The following SEMA4D variants were observed in gnomAD, a reference collection of about 807,000 sequenced individuals.
The protein encoded by SEMA4D is semaphorin-4D.
A neutral mutation model predicts 74.8 loss-of-function variants in SEMA4D; 22 were observed. The observed-to-expected ratio is 0.29, with a 90% confidence interval of 0.21 to 0.42. The LOEUF is 0.42. Ranked by LOEUF, SEMA4D falls within the 10% of genes least tolerant of loss-of-function variation. The probability of loss-of-function intolerance (pLI) is 1.00; values close to 1 mark genes in which losing one functional copy is unlikely to be tolerated. For missense variants in SEMA4D, 937 were observed against 1,118.4 expected (o/e 0.84, Z 2.31); for synonymous variants, 445 against 463.7 (o/e 0.96, Z 0.52).
intron 2 of SEMA4D, among the ~76,000 whole-genome samples, chr9:89,415,588 G>T (rs763520417): frequency 6.6e-6 from 1 of 152,196 alleles, no homozygotes; most frequent in Non-Finnish European, 1.5e-5. Context: ...GTCCCAGAGA[G>T]CTCCCTCACC....
At chr9:89,433,796 T>C (rs559587073) in intron 2 of SEMA4D, among the ~76,000 whole-genome samples, 10 of 152,244 alleles carry the variant, frequency 6.6e-5, no homozygotes, top group South Asian at 6.2e-4. Flanking sequence ...TAGGTGCAGA[T>C]TGTCCCGGGG....
chr9:89,489,625 T>C (rs1825469823), intron 1 of SEMA4D, among the ~76,000 whole-genome samples: 1 of 152,266 alleles, frequency 6.6e-6, no homozygotes, highest in Non-Finnish European at 1.5e-5. Flanking sequence ...TGTGCCTGGC[T>C]ACCTTCACTT....
rs116463781 is a variant in SEMA4D, at chr9:89,453,779, A to G, written c.-244+2109T>C. 5.3e-3 allele frequency among the ~76,000 whole-genome samples: 810 copies of G among 151,864 alleles called. 6 individuals carry two copies. Among genetic ancestry groups the G allele is most frequent in the African/African-American group, 0.019 (772 of 41,386 alleles). ...CACAAAGGCTGGCAAAGCACCTTATATGGGCCACTTCACGCTGGGAAAAGT... is the reference window on the plus strand; with the variant it reads ...CACAAAGGCTGGCAAAGCACCTTATGTGGGCCACTTCACGCTGGGAAAAGT... On this transcript the variant is annotated intron_variant, in intron 2 of 15. Transcript: ENST00000422704.
chr9:89,364,754 G>C (rs1256523986), intron 16 of SEMA4D: 3 of 152,726 alleles, frequency 2.0e-5, no homozygotes, highest in Non-Finnish European at 4.4e-5. Flanking sequence ...GCTGGCCTCA[G>C]CTTGTCTGAT....
chr9:89,403,299 G>T (rs1842597237), intron 3 of SEMA4D, among the ~76,000 whole-genome samples: 1 of 152,242 alleles, frequency 6.6e-6, no homozygotes, highest in East Asian at 1.9e-4. Flanking sequence ...GCTGTGAGTC[G>T]GACATCCCTT....
At position 89,381,618 on chromosome 9, in the gene SEMA4D, G is replaced by A; in HGVS notation, c.1447-272C>T. 2.8e-6 allele frequency: 1 copy of A among 353,048 alleles called. No homozygotes were observed. The highest frequency in any genetic ancestry group is 5.1e-6 in the Non-Finnish European group (1 of 194,302). The allele number at this position is 353,048 out of a possible 1,614,324, so 21.9% of individuals were successfully genotyped here. A position where few individuals can be genotyped will look rare whatever the true frequency, so the allele number is the denominator to read the frequency against. On this transcript the variant is annotated intron_variant, in intron 13 of 15. Coordinates refer to ENST00000422704, the MANE Select transcript of SEMA4D (RefSeq NM_001371194.2). The surrounding 1 kb of genome is among the most constrained non-coding windows in gnomAD (Gnocchi z 4.6). ...CCACAGGTGCCTGCCCTCCAGCAAA[G>A]CGCTTCTCTGCACGTGTTTCTCTTA...
chr9:89,428,000 C>T (rs1848464315), intron 2 of SEMA4D, among the ~76,000 whole-genome samples: 1 of 152,212 alleles, frequency 6.6e-6, no homozygotes. Flanking sequence ...GGGTGACCAC[C>T]TGTGGAGGGC....
At chr9:89,478,819 C>T (rs1438290641) in intron 1 of SEMA4D, among the ~76,000 whole-genome samples, 3 of 148,770 alleles carry the variant, frequency 2.0e-5, no homozygotes, top group African/African-American at 4.9e-5. Flanking sequence ...GGGCAGCCAC[C>T]GCTTTTGTTC....
chr9:89,428,523 C>A (rs1848575208), intron 2 of SEMA4D, among the ~76,000 whole-genome samples: 1 of 152,226 alleles, frequency 6.6e-6, no homozygotes, highest in Non-Finnish European at 1.5e-5. Flanking sequence ...GAACTCAGAA[C>A]CACGAGGAAC....
chr9:89,363,688 A>G, intron 17 of SEMA4D: 2 of 1,596,238 alleles, frequency 1.3e-6, no homozygotes, highest in Non-Finnish European at 1.7e-6. Flanking sequence ...GCCATTGTAA[A>G]TAGTGAAAAA....
intron 1 of SEMA4D, among the ~76,000 whole-genome samples, chr9:89,466,854 C>T (rs1036909643): frequency 1.3e-5 from 2 of 152,172 alleles, no homozygotes; most frequent in African/African-American, 4.8e-5. Flanking sequence ...TTATCGGAGC[C>T]TCCTTCAAGG....
At position 89,397,981 on chromosome 9, in the gene SEMA4D, G is replaced by T. The variant is rs568428744; in HGVS notation, c.316-1146C>A. ...ACTGAGGGGCCTGAGGGACCAAAGGGACGGACGTGTGCCAAGAATCCAAAA... is the reference window on the plus strand; with the variant it reads ...ACTGAGGGGCCTGAGGGACCAAAGGTACGGACGTGTGCCAAGAATCCAAAA... On this transcript the variant is annotated intron_variant, in intron 5 of 15. Transcript: ENST00000422704. 3.9e-5 allele frequency among the ~76,000 whole-genome samples: 6 copies of T among 152,234 alleles called. No homozygotes were observed. The East Asian group carries it at 1.2e-3, about 29-fold the overall frequency.
At chr9:89,370,494 G>A (rs2132408923) in intron 16 of SEMA4D, among the ~76,000 whole-genome samples, 1 of 150,288 alleles carries the variant, frequency 6.7e-6, no homozygotes, top group South Asian at 2.1e-4. Context: ...GTATGAAGGA[G>A]GTATGGTGTG....
Position 89,387,509 on chromosome 9 carries a change from A to C in SEMA4D, c.1207T>G (p.Ser403Ala). Residue 403 changes from serine to alanine, a missense_variant, in exon 12 of 16, where the codon TCG becomes GCG. Coordinates refer to ENST00000422704, the MANE Select transcript of SEMA4D (RefSeq NM_001371194.2). Reference sequence around the variant, plus strand: ...GGCCTGTTGTCTATTGGGGTTACCGAGTCATCCATCAAAGGGTGGTCTTTA... The same window carrying C: ...GGCCTGTTGTCTATTGGGGTTACCGCGTCATCCATCAAAGGGTGGTCTTTA... ...FVKDHPLMDDSVTPIDNRPRL... is the reference protein window; with the variant it reads ...FVKDHPLMDDAVTPIDNRPRL... The C allele has an allele frequency of 6.2e-7, 1 of 1,614,226 alleles. No individual in the cohort carries two copies. The highest frequency in any genetic ancestry group is 8.5e-7 in the Non-Finnish European group (1 of 1,180,030).
At chr9:89,476,752 C>T (rs1861847285) in intron 1 of SEMA4D, among the ~76,000 whole-genome samples, 1 of 152,200 alleles carries the variant, frequency 6.6e-6, no homozygotes, top group South Asian at 2.1e-4. Context: ...CAATCAGGGA[C>T]ATGGCAAAGG....
rs1278641870 is a variant in SEMA4D at position 89,391,255 on chromosome 9, G to A, written c.774+9C>T. 1 of 1,613,090 alleles carries A rather than the reference G, an allele frequency of 6.2e-7. No homozygotes were observed. Among genetic ancestry groups the A allele is most frequent in the Admixed American group, 1.7e-5 (1 of 59,990 alleles). On this transcript the variant is annotated intron_variant, in intron 9 of 15. Coordinates refer to ENST00000422704, the MANE Select transcript of SEMA4D (RefSeq NM_001371194.2). ...GGGGCCAAGCGAAGCCAGAGTGCCT[G>A]GCACTCACCTTGCACACTCTTGCTA...
intron 2 of SEMA4D, among the ~76,000 whole-genome samples, chr9:89,422,621 C>A (rs1433806857): frequency 6.6e-6 from 1 of 152,248 alleles, no homozygotes; most frequent in East Asian, 1.9e-4. Flanking sequence ...CAGCCTGTCA[C>A]GGCTGTGCAA....
At chr9:89,417,005 G>A (rs144940744) in intron 2 of SEMA4D, among the ~76,000 whole-genome samples, 1 of 152,246 alleles carries the variant, frequency 6.6e-6, no homozygotes, top group African/African-American at 2.4e-5. Context: ...TGACAGCAAA[G>A]TAAAAAATAA....
chr9:89,389,409 A>T (rs1839315857), intron 9 of SEMA4D, among the ~76,000 whole-genome samples: 4 of 152,170 alleles, frequency 2.6e-5, no homozygotes, highest in Admixed American at 2.6e-4. Context: ...GCATTGTGTG[A>T]CTTTCCTGAC....
Sources: gnomAD v4.1 joint callset for allele counts (sites outside exome capture counted in the v4.1 genomes callset) on GRCh38, gnomAD v4.1.1 for gene constraint, Gnocchi (gnomAD v3.1) non-coding constraint, MANE v1.5 for transcripts, NCBI Gene and HGNC (gene_info 2026-07-23, HGNC 2026-07-21) for gene names.